The following POFUT3 variants were observed in gnomAD, a reference collection of about 807,000 sequenced individuals.
POFUT3 encodes the protein GDP-fucose protein O-fucosyltransferase 3.
the POFUT3 span, among the ~76,000 whole-genome samples, chr8:33,318,769 A>C: frequency 1.7e-5 from 1 of 59,396 alleles, no homozygotes; most frequent in Non-Finnish European, 2.6e-5. Flanking sequence ...TATTGTATAT[A>C]TATTTTATAT....
the POFUT3 span, among the ~76,000 whole-genome samples, chr8:33,401,119 A>T: frequency 6.6e-6 from 1 of 152,014 alleles, no homozygotes; most frequent in Non-Finnish European, 1.5e-5. Flanking sequence ...AGTAGCTGGG[A>T]TTACAGGTGC....
At chr8:33,343,112 GA>G in the POFUT3 span, among the ~76,000 whole-genome samples, 2,488 of 114,996 alleles carry the variant, frequency 0.022, 50 homozygotes, top group African/African-American at 0.062. Context: ...CTCCGTCTAA[GA>G]AAAAAAAAAA....
the POFUT3 span, chr8:33,451,775 G>T: frequency 1.3e-5 from 2 of 152,112 alleles, no homozygotes; most frequent in African/African-American, 2.4e-5. Context: ...TTGCTTGGGA[G>T]GCCTCAGGAA....
chr8:33,404,689 G>C, the POFUT3 span, among the ~76,000 whole-genome samples: 1 of 151,626 alleles, frequency 6.6e-6, no homozygotes, highest in Non-Finnish European at 1.5e-5. Context: ...CATCACATTT[G>C]GAAAGTCTGC....
At chr8:33,436,194 C>G in the POFUT3 span, 2 of 1,264,256 alleles carry the variant, frequency 1.6e-6, no homozygotes, top group African/African-American at 3.0e-5. Context: ...CTGAATGCAC[C>G]AAGCCGAGAA....
the POFUT3 span, among the ~76,000 whole-genome samples, chr8:33,329,504 G>A: frequency 6.6e-6 from 1 of 152,176 alleles, no homozygotes; most frequent in Non-Finnish European, 1.5e-5. Context: ...TTCTTCTTAT[G>A]ATACTGGACC....
At chr8:33,323,603 G>T in the POFUT3 span, among the ~76,000 whole-genome samples, 3 of 152,234 alleles carry the variant, frequency 2.0e-5, no homozygotes, top group South Asian at 6.2e-4. Flanking sequence ...CCTACCACAT[G>T]TGGTGGAAGG....
chr8:33,466,385 T>C, the POFUT3 span, among the ~76,000 whole-genome samples: 1 of 151,896 alleles, frequency 6.6e-6, no homozygotes, highest in African/African-American at 2.4e-5. Context: ...GCCATGATTA[T>C]GCCACTGTAC....
At chr8:33,442,634 T>TG in the POFUT3 span, among the ~76,000 whole-genome samples, 1 of 151,508 alleles carries the variant, frequency 6.6e-6, no homozygotes, top group Non-Finnish European at 1.5e-5. Flanking sequence ...TCAGCCACTT[T>TG]TTTTTTTTGA....
chr8:33,390,205 TACACACAC>T, the POFUT3 span, among the ~76,000 whole-genome samples: 1 of 145,704 alleles, frequency 6.9e-6, no homozygotes, highest in Admixed American at 6.8e-5. Context: ...GTGTGTGTCA[TACACACAC>T]ACACACACAC....
chr8:33,381,437 A>C, the POFUT3 span, among the ~76,000 whole-genome samples: 1 of 152,238 alleles, frequency 6.6e-6, no homozygotes, highest in African/African-American at 2.4e-5. Context: ...CCTAAGGTAC[A>C]TCTGTCTTTG....
chr8:33,471,944 G>A, the POFUT3 span, among the ~76,000 whole-genome samples: 2 of 152,156 alleles, frequency 1.3e-5, no homozygotes, highest in Non-Finnish European at 2.9e-5. Context: ...GGAGACTACG[G>A]TGCTGCTAGA....
the POFUT3 span, among the ~76,000 whole-genome samples, chr8:33,380,482 G>A: frequency 6.6e-6 from 1 of 151,262 alleles, no homozygotes; most frequent in Non-Finnish European, 1.5e-5. Context: ...TTTATATGTA[G>A]AAAACATGAG....
the POFUT3 span, among the ~76,000 whole-genome samples, chr8:33,434,582 TACC>T: frequency 6.6e-6 from 1 of 152,142 alleles, no homozygotes; most frequent in East Asian, 1.9e-4. Flanking sequence ...TAAAAGCTAT[TACC>T]TTTTTTCCCC....
chr8:33,400,916 A>G, the POFUT3 span, among the ~76,000 whole-genome samples: 487 of 152,288 alleles, frequency 3.2e-3, 6 homozygotes, highest in African/African-American at 0.011. Flanking sequence ...TCTTAATATT[A>G]CCAAAGTTGC....
the POFUT3 span, among the ~76,000 whole-genome samples, chr8:33,358,540 G>A: frequency 6.6e-6 from 1 of 152,272 alleles, no homozygotes; most frequent in Middle Eastern, 3.4e-3. Context: ...GTGCAATAAT[G>A]CTCTTGTGAT....
chr8:33,453,513 A>C, the POFUT3 span: 1 of 1,588,204 alleles, frequency 6.3e-7, no homozygotes, highest in Admixed American at 1.8e-5. Context: ...ACCATGACCT[A>C]AAAGAGAAGA....
chr8:33,407,987 C>G, the POFUT3 span, among the ~76,000 whole-genome samples: 1 of 83,754 alleles, frequency 1.2e-5, no homozygotes, highest in Non-Finnish European at 2.5e-5. Context: ...GACTCCATCT[C>G]AAAAAAAAAA....
At chr8:33,408,289 A>G in the POFUT3 span, among the ~76,000 whole-genome samples, 1 of 150,138 alleles carries the variant, frequency 6.7e-6, no homozygotes, top group Admixed American at 6.7e-5. Context: ...ACACCAACGC[A>G]CTCCAGAGAG....
Sources: allele counts gnomAD v4.1 joint callset (sites outside exome capture counted in the v4.1 genomes callset), GRCh38; gene constraint gnomAD v4.1.1; transcripts MANE v1.5; gene names NCBI Gene and HGNC (gene_info 2026-07-23, HGNC 2026-07-21).